The following NOP58 variants were observed in gnomAD, a reference collection of about 807,000 sequenced individuals.
The protein encoded by NOP58 is nucleolar protein 58.
NOP58 carries 44 observed loss-of-function variants against 71.2 expected under a neutral mutation model. That is an observed-to-expected ratio of 0.62 (90% CI 0.49 to 0.79). The LOEUF (loss-of-function observed/expected upper bound fraction) is 0.79, where lower values mean the gene tolerates loss of function less well. Ranked by LOEUF, NOP58 falls within the 30% of genes least tolerant of loss-of-function variation. NOP58 has a pLI of 0.00. For missense variants in NOP58, 538 were observed against 620.2 expected (o/e 0.87, Z 1.41); for synonymous variants, 228 against 200.3 (o/e 1.14, Z -1.17).
rs1688859339 is a variant in NOP58 at position 202,290,027 on chromosome 2, T to C, written c.500-296T>C. ...TGGAATGCAGTAGCACGATCTCGGC[T>C]CACTACAACCTCCACCTCCTGTGTT... is the stretch of plus-strand genomic sequence containing the variant. On this transcript the variant is annotated intron_variant, in intron 6 of 14. Transcript: ENST00000264279. Among the ~76,000 whole-genome samples, 3 of 152,312 alleles carry C rather than the reference T, an allele frequency of 2.0e-5. No individual in the cohort carries two copies. The South Asian group carries it at 6.2e-4, about 32-fold the overall frequency.
chr2:202,285,685 A>T (rs1269339024), intron 5 of NOP58, among the ~76,000 whole-genome samples: 1 of 152,102 alleles, frequency 6.6e-6, no homozygotes, highest in Middle Eastern at 3.2e-3. Context: ...ATATTTCATT[A>T]GAAGTCCCTT....
intron 3 of NOP58, among the ~76,000 whole-genome samples, chr2:202,280,770 CTT>C (rs58033592): frequency 1.8e-4 from 23 of 131,088 alleles, no homozygotes; most frequent in Admixed American, 3.1e-4. Context: ...ACTTGCAAGT[CTT>C]TTTTTTTTTT....
chr2:202,270,217 T>G (rs1688494597), intron 1 of NOP58, among the ~76,000 whole-genome samples: 1 of 152,224 alleles, frequency 6.6e-6, no homozygotes, highest in Non-Finnish European at 1.5e-5. Flanking sequence ...CTGTTCAGCT[T>G]TCTTTTTGCA....
chr2:202,295,767 A>C lies in NOP58; in HGVS notation c.1001A>C (p.Asp334Ala), dbSNP rs778175222. ...TTCAGAGCCCTCAAATCTAGACGGG[A>C]TACCCCTAAGTATGGTCTCATTTAT... Reference protein sequence around the residue: ...ALFRALKSRRDTPKYGLIYHA... With the variant: ...ALFRALKSRRATPKYGLIYHA... Residue 334 changes from aspartate to alanine, a missense_variant, in exon 10 of 15, where the codon GAT becomes GCT. Asp to Ala is a moderately radical substitution (Grantham distance 126). Coordinates refer to ENST00000264279, the MANE Select transcript of NOP58 (RefSeq NM_015934.5). 3 of 1,612,120 alleles carry C rather than the reference A, an allele frequency of 1.9e-6. No individual in the cohort carries two copies. The South Asian group carries it at 3.3e-5, about 18-fold the overall frequency.
At chr2:202,301,218 T>A (rs952120160) in intron 13 of NOP58, among the ~76,000 whole-genome samples, 3 of 152,172 alleles carry the variant, frequency 2.0e-5, no homozygotes, top group Middle Eastern at 3.4e-3. Flanking sequence ...AGAATCTTGC[T>A]CTGTCACCCA....
At chr2:202,294,087 G>T (rs1227522680) in intron 9 of NOP58, among the ~76,000 whole-genome samples, 2 of 151,510 alleles carry the variant, frequency 1.3e-5, no homozygotes, top group East Asian at 3.9e-4. Context: ...AGCTGAGGTG[G>T]GTGGGTCACC....
chr2:202,292,217 C>A (rs1393985381), intron 8 of NOP58, among the ~76,000 whole-genome samples: 1 of 150,192 alleles, frequency 6.7e-6, no homozygotes, highest in Non-Finnish European at 1.5e-5. Context: ...TGGTCTTGAA[C>A]TCCTGACCTC....
rs757111786 is a variant in NOP58 at position 202,302,937 on chromosome 2, A to AG, written c.1420dup (p.Glu474GlyfsTer19). On this transcript the variant is annotated frameshift_variant, in exon 14 of 15. Transcript: ENST00000264279. LOFTEE classifies it high-confidence loss of function. ...CCTATTCAGTTGAAGAAGAGGAAGA[A>AG]GAAAAAGTGGCAGAAGAAGAAGAAA... The AG allele has an allele frequency of 3.7e-6, 6 of 1,604,978 alleles. No individual in the cohort carries two copies. The highest frequency in any genetic ancestry group is 1.3e-5 in the African/African-American group (1 of 74,862).
intron 14 of NOP58, 149 bp downstream of exon 14, chr2:202,303,206 A>G: frequency 7.6e-7 from 1 of 1,317,986 alleles, no homozygotes; most frequent in Non-Finnish European, 1.0e-6. Flanking sequence ...TTGTATTTAT[A>G]TTATAAAAGG....
At chr2:202,284,586 C>A (rs1216798782) in intron 5 of NOP58, 105 bp downstream of exon 5, 6 of 1,195,436 alleles carry the variant, frequency 5.0e-6, no homozygotes, top group Non-Finnish European at 5.9e-6. Flanking sequence ...CACATCAGAA[C>A]CTTATGAAGA....
intron 6 of NOP58, among the ~76,000 whole-genome samples, chr2:202,288,171 G>A (rs1312164777): frequency 6.6e-6 from 1 of 151,992 alleles, no homozygotes; most frequent in African/African-American, 2.4e-5. Context: ...ATTCTGCTGT[G>A]TCATTAAATG....
At chr2:202,299,346 A>T (rs76221445) in intron 12 of NOP58, among the ~76,000 whole-genome samples, 18,706 of 152,138 alleles carry the variant, frequency 0.12, 3,882 homozygotes, top group African/African-American at 0.43. Context: ...ATACATATTT[A>T]AGTATAATTT....
intron 5 of NOP58, 125 bp from the exon 6 acceptor site, chr2:202,287,535 C>T: frequency 1.6e-6 from 1 of 630,364 alleles, no homozygotes; most frequent in Non-Finnish European, 2.8e-6. Context: ...CTTAGAAAAA[C>T]CAATTACAGC....
intron 10 of NOP58, among the ~76,000 whole-genome samples, 188 bp downstream of exon 10, chr2:202,296,025 T>C (rs556329754): frequency 7.9e-5 from 12 of 152,122 alleles, no homozygotes; most frequent in Non-Finnish European, 1.5e-4. Context: ...GAAACTGTTA[T>C]TGGTTGGATT....
intron 1 of NOP58, among the ~76,000 whole-genome samples, chr2:202,266,221 T>G (rs963013325): frequency 1.3e-5 from 2 of 152,030 alleles, no homozygotes; most frequent in African/African-American, 4.8e-5. Flanking sequence ...GTTGAAGGGG[T>G]GGGCAGGAGG....
At chr2:202,296,463 A>G (rs1052238901) in intron 10 of NOP58, among the ~76,000 whole-genome samples, 2 of 152,142 alleles carry the variant, frequency 1.3e-5, no homozygotes, top group Non-Finnish European at 2.9e-5. Flanking sequence ...GGCTTCCCAG[A>G]GTGCTGGGAT....
intron 6 of NOP58, 98 bp from the exon 7 acceptor site, chr2:202,290,225 C>A: frequency 1.1e-6 from 1 of 937,788 alleles, no homozygotes; most frequent in Non-Finnish European, 1.6e-6. Context: ...CAGACATGAG[C>A]CACCGTGCCC....
At chr2:202,301,771 T>C (rs1321716967) in intron 13 of NOP58, among the ~76,000 whole-genome samples, 1 of 152,186 alleles carries the variant, frequency 6.6e-6, no homozygotes, top group Non-Finnish European at 1.5e-5. Context: ...TCCCTCAAGA[T>C]ACATGTATCA....
chr2:202,291,112 A>T lies in NOP58; in HGVS notation c.635-13A>T. ...AGAGTGATTCTCCCTCATCCTCTGC[A>T]AACATTCCATAGGCGATAGGAAGAA... On this transcript the variant is annotated splice_polypyrimidine_tract_variant and intron_variant, in intron 7 of 14. Transcript: ENST00000264279. 6.3e-7 allele frequency: 1 copy of T among 1,580,116 alleles called. No homozygotes were observed. The highest frequency in any genetic ancestry group is 8.6e-7 in the Non-Finnish European group (1 of 1,168,854).
Sources: allele counts gnomAD v4.1 joint callset (sites outside exome capture counted in the v4.1 genomes callset), GRCh38; gene constraint gnomAD v4.1.1; transcripts MANE v1.5; gene names NCBI Gene and HGNC (gene_info 2026-07-23, HGNC 2026-07-21).